PDS5B: variants seen among roughly 807,000 people sequenced by gnomAD.
The protein encoded by PDS5B is sister chromatid cohesion protein PDS5 homolog B.
PDS5B carries 51 observed loss-of-function variants against 184.1 expected under a neutral mutation model. The observed-to-expected ratio is 0.28, with a 90% CI of 0.22 to 0.35. PDS5B has a LOEUF of 0.35. PDS5B is among the 10% of genes least tolerant of loss of function. PDS5B has a pLI of 1.00. For synonymous variants in PDS5B, 566 were observed against 569.2 expected (o/e 0.99, Z 0.08); for missense variants, 1,180 against 1,723.3 (o/e 0.68, Z 5.58).
chr13:32,720,649 T>A (rs1009119650), intron 19 of PDS5B, among the ~76,000 whole-genome samples: 3 of 151,856 alleles, frequency 2.0e-5, no homozygotes, highest in African/African-American at 4.8e-5. Flanking sequence ...TTTTTTAAAA[T>A]TTTTTTAGTA....
intron 30 of PDS5B, among the ~76,000 whole-genome samples, chr13:32,762,343 A>C (rs1331478391): frequency 6.6e-6 from 1 of 152,196 alleles, no homozygotes; most frequent in Non-Finnish European, 1.5e-5. Context: ...TAAAGAAGGT[A>C]GGTGACATTC....
chr13:32,738,320 T>G (rs1453887650), intron 21 of PDS5B, among the ~76,000 whole-genome samples: 2 of 152,224 alleles, frequency 1.3e-5, no homozygotes, highest in Admixed American at 1.3e-4. Flanking sequence ...TTGTTAAAAC[T>G]TATTTTTCTA....
chr13:32,627,373 A>G (rs561296171), intron 1 of PDS5B, among the ~76,000 whole-genome samples: 2 of 152,338 alleles, frequency 1.3e-5, no homozygotes, highest in Admixed American at 1.3e-4. Context: ...TATTTGTACA[A>G]AGCTGCTCTG....
At chr13:32,643,674 G>A (rs1345530579) in intron 1 of PDS5B, among the ~76,000 whole-genome samples, 1 of 152,068 alleles carries the variant, frequency 6.6e-6, no homozygotes, top group Non-Finnish European at 1.5e-5. Context: ...TTACGGTTGT[G>A]TACAGTATTC....
chr13:32,590,962 G>GT (rs1449613585), intron 1 of PDS5B, among the ~76,000 whole-genome samples: 2 of 147,758 alleles, frequency 1.4e-5, no homozygotes, highest in Admixed American at 6.7e-5. Flanking sequence ...CAGGTATATG[G>GT]TAAAAAAAAA....
At chr13:32,612,181 C>CA (rs1839577715) in intron 1 of PDS5B, among the ~76,000 whole-genome samples, 1 of 152,026 alleles carries the variant, frequency 6.6e-6, no homozygotes, top group Non-Finnish European at 1.5e-5. Context: ...GGAATCTTTA[C>CA]CTGTATTGGT....
intron 21 of PDS5B, among the ~76,000 whole-genome samples, chr13:32,738,748 T>G (rs577013877): frequency 6.6e-6 from 1 of 152,254 alleles, no homozygotes; most frequent in East Asian, 1.9e-4. Context: ...CTCGGCTCCC[T>G]GCAACCTCCA....
chr13:32,745,024 A>C (rs1212971815), intron 23 of PDS5B, among the ~76,000 whole-genome samples: 2 of 152,182 alleles, frequency 1.3e-5, no homozygotes, highest in South Asian at 2.1e-4. Context: ...TATTTTAGCT[A>C]ATATATCACT....
rs1020300073 is a variant in PDS5B, at chr13:32,687,273, G to A, written c.1343G>A (p.Ser448Asn). ...TTGCTACATATATATTATCAAAATA[G>A]TATTGATGATCGGTAAGTTAAGGAC... ...DKLLHIYYQNSIDDRLLVERI... is the reference protein window; with the variant it reads ...DKLLHIYYQNNIDDRLLVERI... Residue 448 changes from serine (S) to asparagine (N), a missense_variant, in exon 12 of 35, where the codon AGT becomes AAT. This residue lies in a region of PDS5B where 475 missense variants were observed against 691.5 expected (regional missense o/e 0.69). Coordinates refer to ENST00000315596, the MANE Select transcript of PDS5B (RefSeq NM_015032.4). The A allele has an allele frequency of 1.3e-6, 2 of 1,578,900 alleles. No homozygotes were observed. Among genetic ancestry groups the A allele is most frequent in the African/African-American group, 1.4e-5 (1 of 72,966 alleles).
intron 23 of PDS5B, among the ~76,000 whole-genome samples, chr13:32,744,825 A>G (rs971952538): frequency 6.6e-6 from 1 of 152,206 alleles, no homozygotes; most frequent in African/African-American, 2.4e-5. Flanking sequence ...TACATGGCCA[A>G]CTAGATTATT....
intron 1 of PDS5B, among the ~76,000 whole-genome samples, chr13:32,603,874 G>T (rs961679183): frequency 1.7e-4 from 26 of 152,034 alleles, no homozygotes; most frequent in Admixed American, 2.6e-4. Flanking sequence ...CTCATGATTT[G>T]GTTCTCTTTT....
chr13:32,670,397 A>G (rs1950905092), intron 7 of PDS5B, among the ~76,000 whole-genome samples: 1 of 152,086 alleles, frequency 6.6e-6, no homozygotes, highest in Admixed American at 6.6e-5. Context: ...TTCCTTTTTT[A>G]AAAAACTTTT....
At chr13:32,613,377 T>A (rs901490781) in intron 1 of PDS5B, among the ~76,000 whole-genome samples, 3 of 152,228 alleles carry the variant, frequency 2.0e-5, no homozygotes, top group Non-Finnish European at 2.9e-5. Context: ...GCGTTTCAGT[T>A]TTTCCATGTT....
chr13:32,738,391 GTATCTCATTA>G (rs756010844), intron 21 of PDS5B, among the ~76,000 whole-genome samples: 1 of 152,090 alleles, frequency 6.6e-6, no homozygotes, highest in Non-Finnish European at 1.5e-5. Flanking sequence ...AATAGATACA[GTATCTCATTA>G]TAGCTCATTA....
chr13:32,684,982 G>A (rs1234812381), intron 11 of PDS5B, among the ~76,000 whole-genome samples: 1 of 152,068 alleles, frequency 6.6e-6, no homozygotes, highest in East Asian at 1.9e-4. Flanking sequence ...CTGTGGTGGC[G>A]GGCGCCTGTA....
Position 32,718,155 on chromosome 13 carries a change from A to AT in PDS5B, c.2123+8062dup, listed in dbSNP as rs373343825. On this transcript the variant is annotated intron_variant, in intron 19 of 34. Transcript: ENST00000315596. Reference sequence around the variant, plus strand: ...TGATAGATGCTGAAAGGGCTTCTGAATTTTTTTTTTTTTGAGACGGAGTCT... The same window carrying AT: ...TGATAGATGCTGAAAGGGCTTCTGAATTTTTTTTTTTTTTGAGACGGAGTCT... Among the ~76,000 whole-genome samples, 333 of 148,468 alleles carry AT rather than the reference A, an allele frequency of 2.2e-3. 1 individual carries two copies. The highest frequency in any genetic ancestry group is 5.7e-3 in the African/African-American group (231 of 40,506).
At chr13:32,716,475 G>A (rs1413160724) in intron 19 of PDS5B, among the ~76,000 whole-genome samples, 7 of 147,842 alleles carry the variant, frequency 4.7e-5, no homozygotes, top group Non-Finnish European at 6.0e-5. Context: ...CAGCCGCCCC[G>A]TCTGAGAAGT....
chr13:32,607,480 T>C (rs1233222406), intron 1 of PDS5B, among the ~76,000 whole-genome samples: 1 of 152,064 alleles, frequency 6.6e-6, no homozygotes, highest in Non-Finnish European at 1.5e-5. Flanking sequence ...TACTGGGAGG[T>C]GTCTCCAGTT....
chr13:32,731,004 A>G (rs1655023544), intron 19 of PDS5B, among the ~76,000 whole-genome samples: 1 of 152,132 alleles, frequency 6.6e-6, no homozygotes, highest in Admixed American at 6.5e-5. Flanking sequence ...GTGGTGAGAG[A>G]GGGCATCCTT....
Sources: gnomAD v4.1 joint callset for allele counts (sites outside exome capture counted in the v4.1 genomes callset) on GRCh38, gnomAD v4.1.1 for gene constraint, gnomAD v4.1.1 regional missense constraint, MANE v1.5 for transcripts, NCBI Gene and HGNC (gene_info 2026-07-23, HGNC 2026-07-21) for gene names.